The following RUNX2 variants were observed in gnomAD, a reference collection of about 807,000 sequenced individuals.
The protein encoded by RUNX2 is runt-related transcription factor 2.
A neutral mutation model predicts 51.7 loss-of-function variants in RUNX2; 10 were observed. The observed-to-expected ratio is 0.19, with a 90% CI of 0.12 to 0.33. RUNX2 has a LOEUF of 0.33. Ranked by LOEUF, RUNX2 falls within the 10% of genes least tolerant of loss-of-function variation. The pLI, the probability that RUNX2 is intolerant of heterozygous loss-of-function variation, is 1.00. For synonymous variants in RUNX2, 276 were observed against 273.6 expected, an observed-to-expected ratio of 1.01 and a Z score of -0.09; for missense variants, 562 against 691.3, an observed-to-expected ratio of 0.81 and a Z score of 2.10.
intron 4 of RUNX2, among the ~76,000 whole-genome samples, chr6:45,436,626 C>A (rs1470014538): frequency 2.6e-5 from 4 of 152,066 alleles, no homozygotes; most frequent in African/African-American, 9.7e-5. Flanking sequence ...TACTCAGTAA[C>A]AAATGATGTG....
chr6:45,510,814 C>T (rs769704608), intron 6 of RUNX2, among the ~76,000 whole-genome samples: 1 of 151,598 alleles, frequency 6.6e-6, no homozygotes, highest in Admixed American at 6.6e-5. Context: ...TTCTCTTAAT[C>T]GTTTTCTCCT....
chr6:45,547,084 A>G lies in RUNX2; in HGVS notation c.1345A>G (p.Thr449Ala). ...TSSTPYLYYG[T>A]SSGSYQFPMV... is the part of the protein sequence containing the mutation. Reference sequence around the variant, plus strand: ...CAGCACTCCATATCTCTACTATGGCACTTCGTCAGGATCCTATCAGTTTCC... The same window carrying G: ...CAGCACTCCATATCTCTACTATGGCGCTTCGTCAGGATCCTATCAGTTTCC... The change falls in exon 9 of 9, where the codon ACT (threonine) becomes GCT (alanine). Residue 449 changes from threonine (T) to alanine (A), a missense_variant. This residue lies in a region of RUNX2 where 304 missense variants were observed against 353.2 expected (regional missense o/e 0.86). Transcript: ENST00000647337. The G allele has an allele frequency of 1.9e-6, 3 of 1,614,008 alleles. No homozygotes were observed. Among genetic ancestry groups the G allele is most frequent in the Non-Finnish European group, 2.5e-6 (3 of 1,179,992 alleles).
rs562273906 is a variant in RUNX2, at chr6:45,431,174, A to T, written c.424-689A>T. Among the ~76,000 whole-genome samples, 20 of 152,362 alleles carry T rather than the reference A, an allele frequency of 1.3e-4. 1 individual carries two copies. In the South Asian group the frequency reaches 2.3e-3, roughly 17 times the overall value. The stretch of plus-strand genomic sequence containing the variant: ...CAGGATGGCAGATGGGACACAAGAC[A>T]TAATAGAACTGAGGCTAAGGGTATA... On this transcript the variant is annotated intron_variant, in intron 3 of 8. Coordinates refer to ENST00000647337, the MANE Select transcript of RUNX2 (RefSeq NM_001024630.4).
chr6:45,426,544 G>A (rs192346200), intron 3 of RUNX2, among the ~76,000 whole-genome samples: 1 of 152,298 alleles, frequency 6.6e-6, no homozygotes, highest in Non-Finnish European at 1.5e-5. Flanking sequence ...ATAGCTTCAA[G>A]CTGAAACACT....
chr6:45,376,013 GAAT>G (rs1033242891), intron 2 of RUNX2, among the ~76,000 whole-genome samples: 3 of 152,140 alleles, frequency 2.0e-5, no homozygotes, highest in Non-Finnish European at 4.4e-5. Context: ...AAAAAAACTT[GAAT>G]AAGAGCTGGA....
At chr6:45,467,870 A>T (rs1039974334) in intron 5 of RUNX2, among the ~76,000 whole-genome samples, 1 of 152,126 alleles carries the variant, frequency 6.6e-6, no homozygotes, top group Non-Finnish European at 1.5e-5. Flanking sequence ...GTAAAAACTA[A>T]CCTTTCCTTA....
intron 7 of RUNX2, chr6:45,513,387 C>T (rs1409817389): frequency 6.6e-6 from 1 of 152,234 alleles, no homozygotes; most frequent in Non-Finnish European, 1.5e-5. Context: ...CAGGTTAATG[C>T]CTTTCTTTCT....
intron 2 of RUNX2, among the ~76,000 whole-genome samples, chr6:45,407,789 T>C (rs942913670): frequency 3.3e-5 from 5 of 152,148 alleles, no homozygotes; most frequent in African/African-American, 7.2e-5. Flanking sequence ...CATGAGCCAC[T>C]GTGTCCAGCC....
chr6:45,397,066 G>C (rs955915825), intron 2 of RUNX2, among the ~76,000 whole-genome samples: 21 of 151,910 alleles, frequency 1.4e-4, no homozygotes, highest in African/African-American at 5.1e-4. Context: ...ATAAACCTAA[G>C]AGTAGAATTT....
At chr6:45,439,144 C>T (rs1798772554) in intron 5 of RUNX2, among the ~76,000 whole-genome samples, 1 of 152,202 alleles carries the variant, frequency 6.6e-6, no homozygotes, top group African/African-American at 2.4e-5. Flanking sequence ...CCTTTTGCTG[C>T]TGTCTCTTTT....
chr6:45,378,369 G>A (rs1348522551), intron 2 of RUNX2, among the ~76,000 whole-genome samples: 1 of 152,212 alleles, frequency 6.6e-6, no homozygotes, highest in Non-Finnish European at 1.5e-5. Flanking sequence ...TTCTTTCCAG[G>A]AATTGGAGTG....
At chr6:45,509,620 G>A (rs917220831) in intron 6 of RUNX2, among the ~76,000 whole-genome samples, 4 of 152,126 alleles carry the variant, frequency 2.6e-5, no homozygotes, top group African/African-American at 9.7e-5. Context: ...TTCAGAGTTA[G>A]CTAACCCAGA....
intron 2 of RUNX2, among the ~76,000 whole-genome samples, chr6:45,392,707 A>ATT (rs35963405): frequency 6.8e-6 from 1 of 147,240 alleles, no homozygotes; most frequent in African/African-American, 2.5e-5. Context: ...GCCTAGATCT[A>ATT]TTTTTTTTTT....
At chr6:45,448,898 A>C (rs1159162258) in intron 5 of RUNX2, among the ~76,000 whole-genome samples, 1 of 152,136 alleles carries the variant, frequency 6.6e-6, no homozygotes, top group Non-Finnish European at 1.5e-5. Context: ...TTGTTCTACA[A>C]GAAGTGAGGA....
intron 5 of RUNX2, among the ~76,000 whole-genome samples, chr6:45,458,478 A>C (rs576217435): frequency 1.3e-5 from 2 of 152,348 alleles, no homozygotes; most frequent in African/African-American, 4.8e-5. Context: ...GTTACTAAGG[A>C]ATCAGCTGTG....
intron 4 of RUNX2, among the ~76,000 whole-genome samples, 155 bp from the exon 5 acceptor site, chr6:45,437,792 G>C (rs1347734185): frequency 1.3e-5 from 2 of 152,160 alleles, no homozygotes; most frequent in African/African-American, 4.8e-5. Flanking sequence ...GGTCATCGGA[G>C]GGTTTCCAAT....
intron 7 of RUNX2, among the ~76,000 whole-genome samples, chr6:45,517,655 A>G (rs1266294705): frequency 3.3e-5 from 5 of 152,042 alleles, no homozygotes; most frequent in Admixed American, 6.6e-5. Context: ...CACTTACTCA[A>G]CTGCACAGGA....
chr6:45,537,416 A>G (rs1401042374), intron 7 of RUNX2, among the ~76,000 whole-genome samples: 1 of 152,214 alleles, frequency 6.6e-6, no homozygotes, highest in Non-Finnish European at 1.5e-5. Flanking sequence ...GTCTTGGGCT[A>G]CCATGTACTG....
chr6:45,458,240 T>C (rs1392011397), intron 5 of RUNX2, among the ~76,000 whole-genome samples: 2 of 152,154 alleles, frequency 1.3e-5, no homozygotes, highest in Non-Finnish European at 2.9e-5. Flanking sequence ...TTGGTCAGGC[T>C]GGTCTCAAAC....
Sources: allele counts gnomAD v4.1 joint callset (sites outside exome capture counted in the v4.1 genomes callset), GRCh38; gene constraint gnomAD v4.1.1; regional missense constraint gnomAD v4.1.1; transcripts MANE v1.5; gene names NCBI Gene and HGNC (gene_info 2026-07-23, HGNC 2026-07-21).